ZNF609: variants seen among roughly 807,000 people sequenced by gnomAD.
ZNF609 encodes zinc finger protein 609.
In ZNF609, 11 loss-of-function variants were observed where a neutral mutation model predicts 109.5. The observed-to-expected ratio is 0.10, with a 90% confidence interval of 0.06 to 0.17. ZNF609 has a LOEUF of 0.17. Among genes scored for constraint, ZNF609 ranks in the 10% least tolerant of loss-of-function variants. The pLI, the probability that ZNF609 is intolerant of heterozygous loss-of-function variation, is 1.00. For synonymous variants in ZNF609, 646 were observed against 662.0 expected (o/e 0.98, Z 0.37); for missense variants, 1,559 against 1,772.4 (o/e 0.88, Z 2.16).
At chr15:64,660,556 A>T (rs1896560304) in intron 3 of ZNF609, among the ~76,000 whole-genome samples, 1 of 152,120 alleles carries the variant, frequency 6.6e-6, no homozygotes, top group Admixed American at 6.6e-5. Flanking sequence ...CAAAGCTTTA[A>T]ATATTTACTA....
chr15:64,555,289 C>T (rs1455611124), intron 2 of ZNF609, among the ~76,000 whole-genome samples: 8 of 152,082 alleles, frequency 5.3e-5, no homozygotes, highest in African/African-American at 1.9e-4. Context: ...ATCGCTTGAG[C>T]CCAGGAGGTT....
chr15:64,549,557 C>T (rs139746552), intron 2 of ZNF609, among the ~76,000 whole-genome samples: 50 of 152,272 alleles, frequency 3.3e-4, no homozygotes, highest in African/African-American at 1.2e-3. Flanking sequence ...TCCCCATCTA[C>T]AGCTGAGGAA....
At chr15:64,564,681 A>C (rs1178382116) in intron 2 of ZNF609, among the ~76,000 whole-genome samples, 1 of 151,948 alleles carries the variant, frequency 6.6e-6, no homozygotes. Flanking sequence ...AGGTGAAGAG[A>C]AGTATAACCT....
intron 1 of ZNF609, among the ~76,000 whole-genome samples, chr15:64,487,234 C>T (rs1471793633): frequency 1.3e-5 from 2 of 152,066 alleles, no homozygotes; most frequent in Non-Finnish European, 2.9e-5. Flanking sequence ...TACTGTCTCC[C>T]TCCATCCCTC....
At chr15:64,630,218 C>T (rs1405695159) in intron 3 of ZNF609, among the ~76,000 whole-genome samples, 10 of 150,912 alleles carry the variant, frequency 6.6e-5, no homozygotes, top group Non-Finnish European at 1.2e-4. Flanking sequence ...ATTACAGGCG[C>T]CCACCACCAC....
At chr15:64,509,878 A>AT (rs1359763711) in intron 2 of ZNF609, among the ~76,000 whole-genome samples, 2 of 152,202 alleles carry the variant, frequency 1.3e-5, no homozygotes, top group East Asian at 3.8e-4. Flanking sequence ...TTTTGAAGGG[A>AT]TTAGCAGAGG....
rs1298605304 is a variant in ZNF609, at chr15:64,469,037, A to T, written c.-128+8199A>T. ...GGGCAACAGAGAGGCCTCATATCTT[A>T]AAAAAAAAAAAAAAAAAAACAACAC... On this transcript the variant is annotated intron_variant, in intron 1 of 9. Coordinates refer to ENST00000326648, the MANE Select transcript of ZNF609 (RefSeq NM_015042.2). Among the ~76,000 whole-genome samples, 46 of 13,072 alleles carry T rather than the reference A, an allele frequency of 3.5e-3. 1 individual carries two copies. Among genetic ancestry groups the T allele is most frequent in the African/African-American group, 5.4e-3 (45 of 8,304 alleles). 8.6% of individuals were successfully genotyped at this position (13,072 alleles called of 152,430 possible).
At chr15:64,614,809 G>A (rs1234623015) in intron 2 of ZNF609, among the ~76,000 whole-genome samples, 1 of 103,098 alleles carries the variant, frequency 9.7e-6, no homozygotes, top group East Asian at 2.9e-4. Flanking sequence ...ATAACATCTC[G>A]CTTTTTTTTT....
At chr15:64,485,445 T>G (rs1001986182) in intron 1 of ZNF609, among the ~76,000 whole-genome samples, 1 of 152,222 alleles carries the variant, frequency 6.6e-6, no homozygotes, top group East Asian at 1.9e-4. Context: ...ATAAAGTGTT[T>G]GCATGTTTTT....
Position 64,676,084 on chromosome 15 carries a change from C to T in ZNF609, c.3230C>T (p.Ser1077Leu). 2 of 1,614,234 alleles carry T rather than the reference C, an allele frequency of 1.2e-6. No individual in the cohort carries two copies. Among genetic ancestry groups the T allele is most frequent in the Non-Finnish European group, 8.5e-7 (1 of 1,180,040 alleles). Reference protein sequence around the residue: ...AKEPGADPAKSVIIPKLDDSS... With the variant: ...AKEPGADPAKLVIIPKLDDSS... ...GAGCCAGGGGCTGACCCAGCCAAATCAGTCATCATTCCCAAGTTAGATGAC... is the reference window on the plus strand; with the variant it reads ...GAGCCAGGGGCTGACCCAGCCAAATTAGTCATCATTCCCAAGTTAGATGAC... The change falls in exon 5 of 10, where the codon TCA becomes TTA. Residue 1077 changes from serine to leucine, a missense_variant. Physicochemically the swap from Ser to Leu is moderately radical, Grantham distance 145. Coordinates refer to ENST00000326648, the MANE Select transcript of ZNF609 (RefSeq NM_015042.2).
chr15:64,670,511 G>C (rs1896710220), intron 4 of ZNF609, 78 bp downstream of exon 4: 3 of 1,204,958 alleles, frequency 2.5e-6, no homozygotes, highest in African/African-American at 3.0e-5. Flanking sequence ...TATCCTGCTA[G>C]AGTTGTACAT....
At chr15:64,575,249 A>G (rs1228936444) in intron 2 of ZNF609, among the ~76,000 whole-genome samples, 2 of 151,798 alleles carry the variant, frequency 1.3e-5, no homozygotes, top group East Asian at 3.9e-4. Flanking sequence ...ACATGGAGAA[A>G]CCCCGTCTCT....
chr15:64,531,588 G>A (rs571224678), intron 2 of ZNF609, among the ~76,000 whole-genome samples: 4 of 151,654 alleles, frequency 2.6e-5, no homozygotes, highest in East Asian at 3.9e-4. Flanking sequence ...TTGTGGAGAC[G>A]GGGTCTCCCT....
intron 1 of ZNF609, among the ~76,000 whole-genome samples, chr15:64,469,064 A>G (rs1893056413): frequency 9.8e-6 from 1 of 101,562 alleles, no homozygotes; most frequent in Non-Finnish European, 2.3e-5. Context: ...AAACAACACA[A>G]TTCAGCCTGG....
rs548261940 is a variant in ZNF609, at chr15:64,482,482, G to A, written c.-127-16811G>A. Among the ~76,000 whole-genome samples, 3 of 152,186 alleles carry A rather than the reference G, an allele frequency of 2.0e-5. No individual in the cohort carries two copies. The South Asian group carries it at 6.2e-4, about 32-fold the overall frequency. On this transcript the variant is annotated intron_variant, in intron 1 of 9. Transcript: ENST00000326648. ...AGGAAGAATTCAGAGTTAGCCTGTG[G>A]AATGCTTAGTGAAAGTATAGTACCT...
At chr15:64,545,772 T>C (rs1328946055) in intron 2 of ZNF609, among the ~76,000 whole-genome samples, 2 of 152,228 alleles carry the variant, frequency 1.3e-5, no homozygotes, top group African/African-American at 4.8e-5. Context: ...GTGAGTACTT[T>C]TTTGTGTCCA....
At chr15:64,633,623 G>A (rs1337168108) in intron 3 of ZNF609, among the ~76,000 whole-genome samples, 1 of 152,188 alleles carries the variant, frequency 6.6e-6, no homozygotes, top group Non-Finnish European at 1.5e-5. Context: ...CTCATTTAAT[G>A]TATTTTGTTC....
chr15:64,655,402 C>G (rs1896476376), intron 3 of ZNF609, among the ~76,000 whole-genome samples: 1 of 152,006 alleles, frequency 6.6e-6, no homozygotes, highest in Non-Finnish European at 1.5e-5. Flanking sequence ...TGCCATTGCA[C>G]TCCAGCCAGG....
intron 3 of ZNF609, among the ~76,000 whole-genome samples, chr15:64,649,520 G>A (rs563428078): frequency 1.3e-5 from 2 of 152,278 alleles, no homozygotes; most frequent in Admixed American, 1.3e-4. Context: ...AGTAGCTGAG[G>A]AGTTCCTATT....
Sources: allele counts gnomAD v4.1 joint callset (sites outside exome capture counted in the v4.1 genomes callset), GRCh38; gene constraint gnomAD v4.1.1; transcripts MANE v1.5; gene names NCBI Gene and HGNC (gene_info 2026-07-23, HGNC 2026-07-21).